SNAPC3: variants seen among roughly 807,000 people sequenced by gnomAD.
SNAPC3 encodes the protein small nuclear RNA activating complex polypeptide 3, also known as snRNA-activating protein complex subunit 3.
A neutral mutation model predicts 47.7 loss-of-function variants in SNAPC3; 56 were observed. That is an observed-to-expected ratio of 1.18 (90% CI 0.95 to 1.47). The LOEUF is 1.47. Among genes scored for constraint, SNAPC3 ranks in the 40% most tolerant of loss-of-function variants. The pLI is 0.00. For synonymous variants in SNAPC3, 235 were observed against 189.9 expected (o/e 1.24, Z -1.95); for missense variants, 665 against 511.3 (o/e 1.30, Z -2.90).
chr9:15,424,750 T>G (rs1375461537), intron 2 of SNAPC3, among the ~76,000 whole-genome samples: 1 of 152,224 alleles, frequency 6.6e-6, no homozygotes, highest in East Asian at 1.9e-4. Flanking sequence ...AATTTATAAT[T>G]TCCAATTTAT....
Position 15,423,921 on chromosome 9 carries a change from G to A in SNAPC3, c.327G>A (p.Leu109=). 1 of 1,573,000 alleles carries A rather than the reference G, an allele frequency of 6.4e-7. No homozygotes were observed. Among genetic ancestry groups the A allele is most frequent in the Non-Finnish European group, 8.6e-7 (1 of 1,161,018 alleles). The change falls in exon 2 of 9, where the codon CTG becomes CTA. Residue 109 remains leucine, a synonymous_variant. Coordinates refer to ENST00000380821, the MANE Select transcript of SNAPC3 (RefSeq NM_001039697.2). ...CTTTTTGTTTTAGCCTTGATAAACTGAAATGCCTTGAGGACGGTGAGGATC... is the reference window on the plus strand; with the variant it reads ...CTTTTTGTTTTAGCCTTGATAAACTAAAATGCCTTGAGGACGGTGAGGATC... ...ELRAVCGLDK[L]KCLEDGEDPE... is the part of the protein sequence containing the mutation.
intron 7 of SNAPC3, among the ~76,000 whole-genome samples, chr9:15,457,484 A>G (rs2034882722): frequency 6.6e-6 from 1 of 152,012 alleles, no homozygotes; most frequent in Non-Finnish European, 1.5e-5. Flanking sequence ...AGTCCCAACT[A>G]CTGGAGAGGC....
At chr9:15,449,635 G>A (rs1306582787) in intron 5 of SNAPC3, among the ~76,000 whole-genome samples, 2 of 132,566 alleles carry the variant, frequency 1.5e-5, no homozygotes, top group Admixed American at 8.6e-5. Flanking sequence ...CAATGGCACC[G>A]TCTCGGCTCA....
intron 3 of SNAPC3, 87 bp downstream of exon 3, chr9:15,433,723 C>A: frequency 1.2e-6 from 1 of 804,956 alleles, no homozygotes; most frequent in Non-Finnish European, 2.1e-6. Flanking sequence ...AGTATGGTAG[C>A]TTTATACTGG....
intron 3 of SNAPC3, among the ~76,000 whole-genome samples, chr9:15,437,829 T>C (rs184875658): frequency 1.3e-5 from 2 of 152,278 alleles, no homozygotes; most frequent in Admixed American, 1.3e-4. Context: ...GTTGGAAAAT[T>C]CACAAAAATT....
At chr9:15,442,295 T>C (rs1326915143) in intron 3 of SNAPC3, among the ~76,000 whole-genome samples, 1 of 141,222 alleles carries the variant, frequency 7.1e-6, no homozygotes, top group African/African-American at 2.7e-5. Flanking sequence ...GGGCGGGGGC[T>C]GCCCCCCACC....
At chr9:15,444,072 T>G (rs2033733400) in intron 3 of SNAPC3, among the ~76,000 whole-genome samples, 1 of 152,214 alleles carries the variant, frequency 6.6e-6, no homozygotes, top group South Asian at 2.1e-4. Context: ...CAGTTCAGCC[T>G]GGCCCCTATT....
chr9:15,441,643 T>C (rs966175189), intron 3 of SNAPC3, among the ~76,000 whole-genome samples: 2 of 152,022 alleles, frequency 1.3e-5, no homozygotes, highest in African/African-American at 4.8e-5. Context: ...AAAGCACATC[T>C]TGCACCGCCC....
At chr9:15,448,545 T>G (rs1028331555) in intron 5 of SNAPC3, among the ~76,000 whole-genome samples, 1 of 152,190 alleles carries the variant, frequency 6.6e-6, no homozygotes, top group East Asian at 1.9e-4. Context: ...TTTTGTCCAT[T>G]GTAGTATGTA....
rs777410784 is a variant in SNAPC3 at position 15,444,592 on chromosome 9, C to T, written c.478-10C>T. ...GTATCTGATTTCAGTGTCTCTTTTTCTTTCTTCAGGAGTCACATGCCATAG... is the reference window on the plus strand; with the variant it reads ...GTATCTGATTTCAGTGTCTCTTTTTTTTTCTTCAGGAGTCACATGCCATAG... On this transcript the variant is annotated splice_polypyrimidine_tract_variant and intron_variant, in intron 3 of 8. Coordinates refer to ENST00000380821, the MANE Select transcript of SNAPC3 (RefSeq NM_001039697.2). 6.4e-7 allele frequency: 1 copy of T among 1,552,850 alleles called. No homozygotes were observed. Among genetic ancestry groups the T allele is most frequent in the Non-Finnish European group, 8.9e-7 (1 of 1,127,558 alleles).
Position 15,458,045 on chromosome 9 carries a change from G to A in SNAPC3, c.1066G>A (p.Val356Ile). ...TTGGCTATGGACCAGAAAATGTTTTGTTTGTAAAATGTATACAGCCAGGTG... is the reference window on the plus strand; with the variant it reads ...TTGGCTATGGACCAGAAAATGTTTTATTTGTAAAATGTATACAGCCAGGTG... ...KHWLWTRKCF[V>I]CKMYTARWVT... The change falls in exon 8 of 9, where the codon GTT (valine) becomes ATT (isoleucine). Residue 356 changes from valine (V) to isoleucine (I), a missense_variant. Physicochemically the swap from Val to Ile is conservative, Grantham distance 29 (BLOSUM62 3). Transcript: ENST00000380821. 6.4e-7 allele frequency: 1 copy of A among 1,572,606 alleles called. No individual in the cohort carries two copies. Among genetic ancestry groups the A allele is most frequent in the Non-Finnish European group, 8.6e-7 (1 of 1,161,524 alleles).
intron 5 of SNAPC3, among the ~76,000 whole-genome samples, chr9:15,448,595 T>C (rs1415994170): frequency 6.6e-6 from 1 of 152,184 alleles, no homozygotes; most frequent in South Asian, 2.1e-4. Flanking sequence ...GTCCGTCTGC[T>C]CCACAGGCTG....
intron 3 of SNAPC3, among the ~76,000 whole-genome samples, chr9:15,440,086 T>C (rs2033189347): frequency 6.6e-6 from 1 of 152,238 alleles, no homozygotes; most frequent in Admixed American, 6.5e-5. Flanking sequence ...CTGTCCCTCT[T>C]TGGGTTGTCA....
intron 2 of SNAPC3, among the ~76,000 whole-genome samples, chr9:15,427,967 T>A (rs912510052): frequency 2.6e-5 from 4 of 151,678 alleles, no homozygotes; most frequent in Admixed American, 1.3e-4. Context: ...AAACATTAGC[T>A]GGGCGTGGTG....
intron 7 of SNAPC3, among the ~76,000 whole-genome samples, chr9:15,455,265 T>G (rs1263904068): frequency 6.6e-6 from 1 of 152,138 alleles, no homozygotes; most frequent in African/African-American, 2.4e-5. Context: ...TCTTTGATGT[T>G]ATTAAAATTT....
At chr9:15,441,873 A>G (rs2033418705) in intron 3 of SNAPC3, among the ~76,000 whole-genome samples, 1 of 152,142 alleles carries the variant, frequency 6.6e-6, no homozygotes, top group African/African-American at 2.4e-5. Context: ...CAAAACCGCC[A>G]TCGTCATCAT....
At chr9:15,441,407 T>TTTTGTTTTTTTTTG (rs869223725) in intron 3 of SNAPC3, among the ~76,000 whole-genome samples, 1 of 133,118 alleles carries the variant, frequency 7.5e-6, no homozygotes, top group African/African-American at 2.9e-5. Context: ...TTTTTTTTTT[T>TTTTGTTTTTTTTTG]AGTATTTATT....
chr9:15,425,559 A>T (rs1449361059), intron 2 of SNAPC3, among the ~76,000 whole-genome samples: 2 of 152,102 alleles, frequency 1.3e-5, no homozygotes, highest in Non-Finnish European at 2.9e-5. Context: ...TTTCCAGATT[A>T]CCACAACCCA....
At chr9:15,425,360 G>T (rs754577697) in intron 2 of SNAPC3, among the ~76,000 whole-genome samples, 1 of 152,050 alleles carries the variant, frequency 6.6e-6, no homozygotes, top group African/African-American at 2.4e-5. Flanking sequence ...TGGGATTACC[G>T]GTGCCTGCAC....
Sources: gnomAD v4.1 joint callset for allele counts (sites outside exome capture counted in the v4.1 genomes callset) on GRCh38, gnomAD v4.1.1 for gene constraint, MANE v1.5 for transcripts, NCBI Gene and HGNC (gene_info 2026-07-23, HGNC 2026-07-21) for gene names.